FNBP1: variants seen among roughly 807,000 people sequenced by gnomAD.
FNBP1 encodes the protein formin-binding protein 1.
FNBP1 carries 26 observed loss-of-function variants against 90.6 expected under a neutral mutation model. That is an observed-to-expected ratio of 0.29 (90% confidence interval 0.21 to 0.40). FNBP1 has a LOEUF of 0.40. Ranked by LOEUF, FNBP1 falls within the 10% of genes least tolerant of loss-of-function variation. The probability of loss-of-function intolerance (pLI) is 1.00; values close to 1 mark genes in which losing one functional copy is unlikely to be tolerated. For synonymous variants in FNBP1, 260 were observed against 265.2 expected, an observed-to-expected ratio of 0.98 and a Z score of 0.19; for missense variants, 635 against 768.0, an observed-to-expected ratio of 0.83 and a Z score of 2.05.
At chr9:129,899,223 G>A (rs1482899204) in intron 15 of FNBP1, among the ~76,000 whole-genome samples, 1 of 151,802 alleles carries the variant, frequency 6.6e-6, no homozygotes, top group African/African-American at 2.4e-5. Context: ...GATTACAGGC[G>A]CCTGCCAGCA....
intron 16 of FNBP1, among the ~76,000 whole-genome samples, chr9:129,892,414 C>CAA (rs33944894): frequency 0.14 from 17,628 of 125,150 alleles, 1,582 homozygotes; most frequent in South Asian, 0.17. Context: ...CACACACACA[C>CAA]ACAAAAAGGT....
chr9:129,905,014 T>C (rs1401678368), intron 12 of FNBP1, among the ~76,000 whole-genome samples: 4 of 152,122 alleles, frequency 2.6e-5, no homozygotes, highest in African/African-American at 9.7e-5. Context: ...TAAACATTTA[T>C]TTATTTAACA....
At position 129,974,559 on chromosome 9, in the gene FNBP1, G is replaced by A. The variant is rs2050012027; in HGVS notation, c.345+3906C>T. ...CATTCAAAATAATGGCAACGATTAT[G>A]TAGAGAAAAGAAAAAACAGGCCAGG... On this transcript the variant is annotated intron_variant, in intron 4 of 16. Coordinates refer to ENST00000446176, the MANE Select transcript of FNBP1 (RefSeq NM_015033.3). Among the ~76,000 whole-genome samples the A allele has an allele frequency of 1.3e-5, 2 of 152,184 alleles. 1 individual carries two copies. The highest frequency in any genetic ancestry group is 4.1e-4 in the South Asian group (2 of 4,830).
At position 130,031,851 on chromosome 9, in the gene FNBP1, AT is replaced by A. The variant is rs2058829296; in HGVS notation, c.24+11100del. ...TAAGTTTTTTGTATTTTTAATAGAG[AT>A]GGGATTTCACCATGTTGGTCAGGCT... is the stretch of plus-strand genomic sequence containing the variant. On this transcript the variant is annotated intron_variant, in intron 1 of 16. Transcript: ENST00000446176. The surrounding 1 kb of genome is among the most constrained non-coding windows in gnomAD (Gnocchi z 4.2). Among the ~76,000 whole-genome samples the A allele has an allele frequency of 6.6e-6, 1 of 151,982 alleles. No homozygotes were observed. Among genetic ancestry groups the A allele is most frequent in the African/African-American group, 2.4e-5 (1 of 41,396 alleles).
intron 6 of FNBP1, among the ~76,000 whole-genome samples, chr9:129,941,811 C>T (rs2044368264): frequency 6.6e-6 from 1 of 152,176 alleles, no homozygotes; most frequent in African/African-American, 2.4e-5. Flanking sequence ...TGGCTCACGC[C>T]TGTAATCCCA....
At chr9:129,989,748 C>T (rs2052829375) in intron 2 of FNBP1, among the ~76,000 whole-genome samples, 1 of 152,164 alleles carries the variant, frequency 6.6e-6, no homozygotes, top group Admixed American at 6.6e-5. Flanking sequence ...GTATTGTATA[C>T]TTGAAAATTG....
the FNBP1 span, among the ~76,000 whole-genome samples, chr9:130,052,893 T>C: frequency 2.0e-5 from 3 of 151,906 alleles, no homozygotes; most frequent in Admixed American, 6.6e-5. Flanking sequence ...GGCGGGAGGA[T>C]AACTTGAGGT....
chr9:129,926,759 G>A (rs972011451), intron 8 of FNBP1, among the ~76,000 whole-genome samples: 3 of 151,496 alleles, frequency 2.0e-5, no homozygotes, highest in Admixed American at 6.6e-5. Flanking sequence ...TGGTGCGGGC[G>A]CCTGTAGTCC....
At chr9:129,921,016 T>C (rs1325287723) in intron 10 of FNBP1, among the ~76,000 whole-genome samples, 2 of 152,196 alleles carry the variant, frequency 1.3e-5, no homozygotes, top group Non-Finnish European at 2.9e-5. Context: ...GCTCAATCCA[T>C]CATCCACTTT....
At chr9:129,950,749 C>T (rs1255907959) in intron 6 of FNBP1, among the ~76,000 whole-genome samples, 1 of 152,148 alleles carries the variant, frequency 6.6e-6, no homozygotes, top group African/African-American at 2.4e-5. Flanking sequence ...TTCATAATTA[C>T]ACACAGTCTG....
At chr9:130,026,002 A>G (rs1438884374) in intron 1 of FNBP1, among the ~76,000 whole-genome samples, 1 of 152,194 alleles carries the variant, frequency 6.6e-6, no homozygotes, top group Non-Finnish European at 1.5e-5. Context: ...AGCCAACACT[A>G]GTAGAGTTTA....
chr9:129,989,411 CATA>C (rs1427601894), intron 2 of FNBP1, among the ~76,000 whole-genome samples: 2 of 152,088 alleles, frequency 1.3e-5, no homozygotes, highest in African/African-American at 4.8e-5. Flanking sequence ...GGTGCAAACA[CATA>C]ATTCCCCATA....
At chr9:129,901,331 G>A (rs1446747669) in intron 13 of FNBP1, among the ~76,000 whole-genome samples, 2 of 151,930 alleles carry the variant, frequency 1.3e-5, no homozygotes, top group Non-Finnish European at 2.9e-5. Context: ...GAGGTCAGGA[G>A]TTCGAGACCA....
intron 1 of FNBP1, among the ~76,000 whole-genome samples, chr9:130,033,878 T>TGGTGGCG (rs1470339344): frequency 7.0e-6 from 1 of 142,718 alleles, no homozygotes; most frequent in Non-Finnish European, 1.5e-5. Flanking sequence ...TAGCCAGTCA[T>TGGTGGCG]GGTGGCGGGT....
rs375132451 is a variant in FNBP1 at position 130,018,553 on chromosome 9, GTATT to G, written c.25-23599_25-23596del. Among the ~76,000 whole-genome samples, 1,079 of 151,536 alleles carry G rather than the reference GTATT, an allele frequency of 7.1e-3. 8 individuals carry two copies. The highest frequency in any genetic ancestry group is 0.022 in the African/African-American group (922 of 41,296). On this transcript the variant is annotated intron_variant, in intron 1 of 16. Transcript: ENST00000446176. ...GTAAATTTTTAGTTTACTCATTTGG[GTATT>G]TATTTATTTATTTATTTATTTATTT...
intron 10 of FNBP1, among the ~76,000 whole-genome samples, chr9:129,922,609 T>G (rs2041273700): frequency 6.6e-6 from 1 of 152,218 alleles, no homozygotes; most frequent in South Asian, 2.1e-4. Flanking sequence ...GCTCAGTAAG[T>G]GTCAGCTGCT....
At chr9:129,918,342 T>A (rs190936192) in intron 10 of FNBP1, among the ~76,000 whole-genome samples, 2 of 152,334 alleles carry the variant, frequency 1.3e-5, no homozygotes, top group Admixed American at 1.3e-4. Context: ...TTAGAATTTC[T>A]CTTAAAATTA....
chr9:130,033,666 C>T (rs1206250033), intron 1 of FNBP1, among the ~76,000 whole-genome samples: 5 of 150,976 alleles, frequency 3.3e-5, no homozygotes, highest in South Asian at 4.2e-4. Context: ...GGAAGACCCC[C>T]CCACCTCTAC....
At chr9:129,898,345 G>C (rs56160021) in intron 15 of FNBP1, among the ~76,000 whole-genome samples, 2,338 of 152,136 alleles carry the variant, frequency 0.015, 40 homozygotes, top group South Asian at 0.061. Context: ...TAGGACTTAA[G>C]ACATCTAAGC....
Sources: allele counts gnomAD v4.1 joint callset (sites outside exome capture counted in the v4.1 genomes callset), GRCh38; gene constraint gnomAD v4.1.1; non-coding constraint Gnocchi (gnomAD v3.1); transcripts MANE v1.5; gene names NCBI Gene and HGNC (gene_info 2026-07-23, HGNC 2026-07-21).